NRP1: variants seen among roughly 807,000 people sequenced by gnomAD.
NRP1 encodes the protein neuropilin-1.
A neutral mutation model predicts 106.7 loss-of-function variants in NRP1; 35 were observed. The observed-to-expected ratio is 0.33, with a 90% confidence interval of 0.25 to 0.43. The LOEUF (loss-of-function observed/expected upper bound fraction) is 0.43. Among genes scored for constraint, NRP1 ranks in the 20% least tolerant of loss-of-function variants. The pLI is 1.00. For synonymous variants in NRP1, 437 were observed against 417.9 expected (o/e 1.05, Z -0.56); for missense variants, 1,024 against 1,170.4 (o/e 0.87, Z 1.83).
chr10:33,207,615 G>C lies in NRP1; in HGVS notation c.1716C>G (p.Gly572=). The change falls in exon 10 of 17, where the codon GGC becomes GGG. Residue 572 remains glycine (G), a synonymous_variant. Transcript: ENST00000374867. The part of the protein sequence containing the change: ...IRIYPERATH[G]GLGLRMELLG... ...GCAGCTCCATTCTGAGCCCCAGTCC[G>C]CCATGAGTGGCTCTCTCGGGGTAGA... The C allele has an allele frequency of 6.2e-7, 1 of 1,614,144 alleles. No homozygotes were observed. The highest frequency in any genetic ancestry group is 8.5e-7 in the Non-Finnish European group (1 of 1,180,010).
chr10:33,325,265 G>T (rs970542524), intron 2 of NRP1, among the ~76,000 whole-genome samples: 1 of 152,124 alleles, frequency 6.6e-6, no homozygotes, highest in Non-Finnish European at 1.5e-5. Flanking sequence ...ATAAAACAAG[G>T]ATTTTGTTTT....
intron 6 of NRP1, among the ~76,000 whole-genome samples, chr10:33,233,147 CA>C (rs1362376987): frequency 6.6e-6 from 1 of 152,018 alleles, no homozygotes; most frequent in Non-Finnish European, 1.5e-5. Context: ...GAGGAAACCC[CA>C]AGCCTTTCCT....
chr10:33,294,182 C>T (rs1008462854), intron 2 of NRP1, among the ~76,000 whole-genome samples: 15 of 152,150 alleles, frequency 9.9e-5, no homozygotes, highest in South Asian at 6.2e-4. Context: ...ATATCTCAAA[C>T]GCTTCAGTGA....
At chr10:33,203,028 C>T in intron 10 of NRP1, 33 bp from the exon 11 acceptor site, 2 of 1,578,242 alleles carry the variant, frequency 1.3e-6, no homozygotes, top group Non-Finnish European at 1.7e-6. Context: ...TTATCTCACA[C>T]CTTGGAAATG....
In NRP1 at chr10:33,289,469, C is replaced by T. The variant is rs1036770141; in HGVS notation, c.249-18613G>A. On this transcript the variant is annotated intron_variant, in intron 2 of 16. Coordinates refer to ENST00000374867, the MANE Select transcript of NRP1 (RefSeq NM_003873.7). ...GTGATAACTCTAATGAGGTCCACGT[C>T]ATCATGACTCCTGTTTAGAGAAATA... 5.3e-5 allele frequency among the ~76,000 whole-genome samples: 8 copies of T among 152,290 alleles called. No individual in the cohort carries two copies. In the South Asian group the frequency reaches 1.7e-3, roughly 32 times the overall value.
chr10:33,279,749 G>A (rs1005944727), intron 2 of NRP1, among the ~76,000 whole-genome samples: 10 of 152,158 alleles, frequency 6.6e-5, no homozygotes, highest in African/African-American at 2.2e-4. Context: ...TAGGACACGT[G>A]GAGATTGAAA....
intron 2 of NRP1, among the ~76,000 whole-genome samples, chr10:33,292,737 C>G (rs1038973492): frequency 2.0e-5 from 3 of 152,158 alleles, no homozygotes; most frequent in African/African-American, 7.2e-5. Context: ...CCTGTAATCC[C>G]AGCACTTTGG....
At chr10:33,253,363 T>A (rs1385311648) in intron 6 of NRP1, among the ~76,000 whole-genome samples, 2 of 152,022 alleles carry the variant, frequency 1.3e-5, no homozygotes, top group African/African-American at 4.8e-5. Flanking sequence ...GATATGTAAG[T>A]GACAGCAGGA....
At chr10:33,185,046 A>T (rs1334741911) in intron 15 of NRP1, among the ~76,000 whole-genome samples, 1 of 152,248 alleles carries the variant, frequency 6.6e-6, no homozygotes, top group Admixed American at 6.5e-5. Context: ...TCTATGTCTT[A>T]CATCCACCTA....
At chr10:33,276,748 TGC>T (rs1843724788) in intron 2 of NRP1, among the ~76,000 whole-genome samples, 2 of 152,210 alleles carry the variant, frequency 1.3e-5, no homozygotes, top group South Asian at 4.1e-4. Context: ...TGGTTATTGT[TGC>T]TAGACAATCA....
At chr10:33,251,419 A>T (rs879711254) in intron 6 of NRP1, among the ~76,000 whole-genome samples, 1 of 151,502 alleles carries the variant, frequency 6.6e-6, no homozygotes, top group Non-Finnish European at 1.5e-5. Context: ...GCCTTGGGGC[A>T]GGCAACATTT....
At chr10:33,226,584 T>C (rs931455517) in intron 6 of NRP1, among the ~76,000 whole-genome samples, 5 of 152,214 alleles carry the variant, frequency 3.3e-5, no homozygotes, top group Admixed American at 6.5e-5. Flanking sequence ...CAGGCTATGA[T>C]AGGACAGTGT....
chr10:33,285,757 C>G (rs999966), intron 2 of NRP1, among the ~76,000 whole-genome samples: 4 of 151,972 alleles, frequency 2.6e-5, no homozygotes, highest in African/African-American at 9.7e-5. Context: ...TGCTTGAACC[C>G]GGGAGGCTGA....
At chr10:33,239,205 T>C (rs940182602) in intron 6 of NRP1, among the ~76,000 whole-genome samples, 1 of 151,934 alleles carries the variant, frequency 6.6e-6, no homozygotes, top group African/African-American at 2.4e-5. Flanking sequence ...AGAGGATCAC[T>C]TGAGCCCAGG....
At chr10:33,237,927 C>T (rs1254224425) in intron 6 of NRP1, among the ~76,000 whole-genome samples, 5 of 152,054 alleles carry the variant, frequency 3.3e-5, no homozygotes, top group Non-Finnish European at 7.4e-5. Context: ...TCCTCTCCCA[C>T]TGCAAACACA....
intron 2 of NRP1, among the ~76,000 whole-genome samples, chr10:33,322,686 T>G (rs1383505063): frequency 6.6e-6 from 1 of 152,220 alleles, no homozygotes; most frequent in Non-Finnish European, 1.5e-5. Flanking sequence ...CTGGCCAAGT[T>G]TCAATTGAGT....
chr10:33,267,910 C>G (rs995858165), intron 3 of NRP1, among the ~76,000 whole-genome samples: 3 of 152,080 alleles, frequency 2.0e-5, no homozygotes, highest in Non-Finnish European at 4.4e-5. Context: ...AGCAATGCAA[C>G]CCGGGGACTC....
At chr10:33,219,813 AT>A (rs11322567) in intron 8 of NRP1, among the ~76,000 whole-genome samples, 46,662 of 151,854 alleles carry the variant, frequency 0.31, 7,430 homozygotes, top group East Asian at 0.62. Flanking sequence ...AGTTTACCTC[AT>A]TTTTTTTAAA....
intron 6 of NRP1, among the ~76,000 whole-genome samples, chr10:33,227,308 C>T (rs192360233): frequency 2.2e-4 from 33 of 152,288 alleles, no homozygotes; most frequent in Admixed American, 2.1e-3. Context: ...TCCCATTTCC[C>T]CTCTGTCTTT....
Sources: allele counts gnomAD v4.1 joint callset (sites outside exome capture counted in the v4.1 genomes callset), GRCh38; gene constraint gnomAD v4.1.1; transcripts MANE v1.5; gene names NCBI Gene and HGNC (gene_info 2026-07-23, HGNC 2026-07-21).